Variants in DNAJC5 observed in about 807,000 individuals in gnomAD.
DNAJC5 encodes dnaJ homolog subfamily C member 5.
A neutral mutation model predicts 23.2 loss-of-function variants in DNAJC5; 1 was observed. That is an observed-to-expected ratio of 0.04 (90% CI 0.02 to 0.20). DNAJC5 has a LOEUF of 0.20. Ranked by LOEUF, DNAJC5 falls within the 10% of genes least tolerant of loss-of-function variation. The pLI, the probability that DNAJC5 is intolerant of heterozygous loss-of-function variation, is 1.00. For missense variants in DNAJC5, 180 were observed against 267.0 expected, an observed-to-expected ratio of 0.67 and a Z score of 2.27; for synonymous variants, 136 against 120.0, an observed-to-expected ratio of 1.13 and a Z score of -0.87.
chr20:63,930,881 T>G lies in DNAJC5; in HGVS notation c.352T>G (p.Cys118Gly). 1 of 1,613,732 alleles carries G rather than the reference T, an allele frequency of 6.2e-7. No individual in the cohort carries two copies. Among genetic ancestry groups the G allele is most frequent in the Non-Finnish European group, 8.5e-7 (1 of 1,179,992 alleles). Residue 118 changes from cysteine to glycine, a missense_variant, in exon 4 of 5, where the codon TGC becomes GGC. Coordinates refer to ENST00000360864, the MANE Select transcript of DNAJC5 (RefSeq NM_025219.3). Reference sequence around the variant, plus strand: ...GTTTGTCTTCTGCGGCCTCCTCACGTGCTGCTACTGCTGCTGCTGTCTGTG... The same window carrying G: ...GTTTGTCTTCTGCGGCCTCCTCACGGGCTGCTACTGCTGCTGCTGTCTGTG... ...ALFVFCGLLTCCYCCCCLCCC... is the reference protein window; with the variant it reads ...ALFVFCGLLTGCYCCCCLCCC...
chr20:63,924,211 C>T lies in DNAJC5; in HGVS notation c.-11-4124C>T, dbSNP rs2053593466. 2.0e-5 allele frequency among the ~76,000 whole-genome samples: 3 copies of T among 150,664 alleles called. No homozygotes were observed. The South Asian group carries it at 6.3e-4, about 31-fold the overall frequency. On this transcript the variant is annotated intron_variant, in intron 1 of 4. Transcript: ENST00000360864. The stretch of plus-strand genomic sequence containing the variant: ...TTAAAAAAATCAGTATCAGTTTCTG[C>T]AAAAAAAAATCCTCTTGGATTAGGG...
Position 63,928,386 on chromosome 20 carries a change from A to T in DNAJC5, c.41A>T (p.Glu14Val). Residue 14 changes from glutamate (E) to valine (V), a missense_variant, in exon 2 of 5, where the codon GAG becomes GTG. Around this residue, in one of 3 missense-constraint regions of DNAJC5, gnomAD observed 77 missense variants for 106.8 expected, o/e 0.72. Transcript: ENST00000360864. The surrounding 1 kb of genome is among the most constrained non-coding windows in gnomAD (Gnocchi z 4.6). ...CAGCGCTCACTGTCTACCTCTGGGG[A>T]GTCATTGTACCACGTCCTTGGGTTG... ...QRQRSLSTSG[E>V]SLYHVLGLDK... 6.2e-7 allele frequency: 1 copy of T among 1,614,068 alleles called. No individual in the cohort carries two copies. Among genetic ancestry groups the T allele is most frequent in the Non-Finnish European group, 8.5e-7 (1 of 1,180,034 alleles).
At chr20:63,930,494 C>T (rs2053659651) in intron 3 of DNAJC5, among the ~76,000 whole-genome samples, 1 of 152,182 alleles carries the variant, frequency 6.6e-6, no homozygotes, top group Non-Finnish European at 1.5e-5. Flanking sequence ...ACTACAGGTG[C>T]CCGCCACCAC....
In DNAJC5 at chr20:63,931,485, G is replaced by C; in HGVS notation, c.514G>C (p.Val172Leu). 6.4e-7 allele frequency: 1 copy of C among 1,571,256 alleles called. No individual in the cohort carries two copies. Among genetic ancestry groups the C allele is most frequent in the Non-Finnish European group, 8.6e-7 (1 of 1,164,376 alleles). Residue 172 changes from valine (V) to leucine (L), a missense_variant, in exon 5 of 5, where the codon GTC (valine) becomes CTC (leucine). By Grantham distance (32) the Val-to-Leu change is conservative. This residue lies in a region of DNAJC5 where 97 missense variants were observed against 123.4 expected (regional missense o/e 0.79). Transcript: ENST00000360864. This position sits in a 1 kb window ranked among gnomAD's most constrained non-coding sequence, Gnocchi z 9.6. ...DEREATDTPI[V>L]IQPASATETT... ...TTCAGAGGCCACAGACACGCCGATCGTCATACAGCCGGCATCCGCCACCGA... is the reference window on the plus strand; with the variant it reads ...TTCAGAGGCCACAGACACGCCGATCCTCATACAGCCGGCATCCGCCACCGA...
chr20:63,905,730 C>T lies in DNAJC5; in HGVS notation c.-12+10407C>T, dbSNP rs1422275365. On this transcript the variant is annotated intron_variant, in intron 1 of 4. Transcript: ENST00000360864. The stretch of plus-strand genomic sequence containing the variant: ...GATTATAGGGGCGTGCCACCCTGCC[C>T]AGCTAATTTTTTTTTTTTTCTGGAG... 1.4e-4 allele frequency among the ~76,000 whole-genome samples: 20 copies of T among 146,708 alleles called. No homozygotes were observed. In the Admixed American group the frequency reaches 1.4e-3, roughly 10 times the overall value.
chr20:63,926,580 G>C (rs990481870), intron 1 of DNAJC5, among the ~76,000 whole-genome samples: 1 of 152,382 alleles, frequency 6.6e-6, no homozygotes, highest in Middle Eastern at 3.4e-3. Context: ...TCATTATGGA[G>C]ACGGAATCTC....
chr20:63,925,363 G>C (rs565007932), intron 1 of DNAJC5, among the ~76,000 whole-genome samples: 1 of 152,126 alleles, frequency 6.6e-6, no homozygotes, highest in Non-Finnish European at 1.5e-5. Context: ...CGTGCCTGTA[G>C]TCCCAGTGAC....
chr20:63,931,176 C>A lies in DNAJC5; in HGVS notation c.493+154C>A. The A allele has an allele frequency of 2.2e-6, 2 of 895,800 alleles. No individual in the cohort carries two copies. The highest frequency in any genetic ancestry group is 3.6e-6 in the Non-Finnish European group (2 of 562,434). The allele number at this position is 895,800 out of a possible 1,614,324, so 55.5% of individuals were successfully genotyped here. A position where few individuals can be genotyped will look rare whatever the true frequency, so the allele number is the denominator to read the frequency against. ...GGGACTGTTGAGGTGTGAACGTGGA[C>A]CCTGAGGTAAAGCAGGCGCATAGAG... On this transcript the variant is annotated intron_variant, in intron 4 of 4. Transcript: ENST00000360864. The surrounding 1 kb of genome is among the most constrained non-coding windows in gnomAD (Gnocchi z 9.6).
At chr20:63,907,625 A>G (rs1486219637) in intron 1 of DNAJC5, among the ~76,000 whole-genome samples, 1 of 152,200 alleles carries the variant, frequency 6.6e-6, no homozygotes. Context: ...AGTAGATGGC[A>G]GGCACGTGGT....
chr20:63,912,632 G>A (rs957772593), intron 1 of DNAJC5, among the ~76,000 whole-genome samples: 1 of 152,212 alleles, frequency 6.6e-6, no homozygotes, highest in East Asian at 1.9e-4. Context: ...ACGGAGTCTC[G>A]CTCTGTCGCC....
chr20:63,915,987 G>A (rs2053513303), intron 1 of DNAJC5, among the ~76,000 whole-genome samples: 1 of 152,212 alleles, frequency 6.6e-6, no homozygotes, highest in African/African-American at 2.4e-5. Flanking sequence ...AGACTGGAGG[G>A]CAGTGGTGCG....
chr20:63,904,594 AT>A (rs1173955612), intron 1 of DNAJC5, among the ~76,000 whole-genome samples: 1 of 152,170 alleles, frequency 6.6e-6, no homozygotes, highest in East Asian at 1.9e-4. Flanking sequence ...TGTTCATGGT[AT>A]AGGCATCCTT....
intron 1 of DNAJC5, among the ~76,000 whole-genome samples, chr20:63,909,751 A>G (rs2146279533): frequency 6.6e-6 from 1 of 152,354 alleles, no homozygotes; most frequent in Admixed American, 6.5e-5. Context: ...TGCTGGTTTT[A>G]TGCCTTTTCT....
intron 1 of DNAJC5, among the ~76,000 whole-genome samples, chr20:63,910,715 C>A (rs1157044735): frequency 6.6e-6 from 1 of 151,312 alleles, no homozygotes; most frequent in Non-Finnish European, 1.5e-5. Context: ...CTCTGTCGCC[C>A]AGGCTGGAGT....
At chr20:63,906,227 C>T (rs1320873517) in intron 1 of DNAJC5, among the ~76,000 whole-genome samples, 1 of 152,064 alleles carries the variant, frequency 6.6e-6, no homozygotes, top group Non-Finnish European at 1.5e-5. Context: ...TGGCTCACAC[C>T]TGTAATCCCA....
chr20:63,911,596 C>T (rs1468886504), intron 1 of DNAJC5, among the ~76,000 whole-genome samples: 8 of 152,120 alleles, frequency 5.3e-5, no homozygotes, highest in Non-Finnish European at 1.2e-4. Flanking sequence ...AGCTCAGCAT[C>T]ACTGTTGCTT....
In DNAJC5 at chr20:63,931,944, G is replaced by T. The variant is rs2053676437; in HGVS notation, c.*376G>T. 1 of 360,230 alleles carries T rather than the reference G, an allele frequency of 2.8e-6. No individual in the cohort carries two copies. Among genetic ancestry groups the T allele is most frequent in the Non-Finnish European group, 5.4e-6 (1 of 185,148 alleles). The allele number at this position is 360,230 out of a possible 1,614,324, so 22.3% of individuals were successfully genotyped here. A position where few individuals can be genotyped will look rare whatever the true frequency, so the allele number is the denominator to read the frequency against. On this transcript the variant is annotated 3_prime_UTR_variant, in exon 5 of 5. Coordinates refer to ENST00000360864, the MANE Select transcript of DNAJC5 (RefSeq NM_025219.3). The surrounding 1 kb of genome is among the most constrained non-coding windows in gnomAD (Gnocchi z 9.6). ...CAGCCGGTCAGGTGGGCGAGGAGAA[G>T]GGGGGCTGCCCCTTTCCTACCTGTG...
chr20:63,898,262 A>C (rs1361499604), intron 1 of DNAJC5, among the ~76,000 whole-genome samples: 3 of 152,202 alleles, frequency 2.0e-5, no homozygotes. Context: ...ACTAAAATGC[A>C]GTGGGGCGGG....
chr20:63,905,409 C>G (rs1427331635), intron 1 of DNAJC5, among the ~76,000 whole-genome samples: 5 of 152,106 alleles, frequency 3.3e-5, no homozygotes, highest in Admixed American at 2.6e-4. Context: ...AGCCACCACA[C>G]CCGGGGCTGG....
Sources: gnomAD v4.1 joint callset for allele counts (sites outside exome capture counted in the v4.1 genomes callset) on GRCh38, gnomAD v4.1.1 for gene constraint, gnomAD v4.1.1 regional missense constraint, Gnocchi (gnomAD v3.1) non-coding constraint, MANE v1.5 for transcripts, NCBI Gene and HGNC (gene_info 2026-07-23, HGNC 2026-07-21) for gene names.